The following HECTD2 variants were observed in gnomAD, a reference collection of about 807,000 sequenced individuals.
HECTD2 encodes probable E3 ubiquitin-protein ligase HECTD2.
HECTD2 carries 35 observed loss-of-function variants against 103.2 expected under a neutral mutation model. That is an observed-to-expected ratio of 0.34 (90% CI 0.26 to 0.45). The LOEUF (loss-of-function observed/expected upper bound fraction) is 0.45. Among genes scored for constraint, HECTD2 ranks in the 20% least tolerant of loss-of-function variants. HECTD2 has a pLI of 1.00. For synonymous variants in HECTD2, 281 were observed against 329.9 expected, an observed-to-expected ratio of 0.85 and a Z score of 1.61; for missense variants, 596 against 937.4, an observed-to-expected ratio of 0.64 and a Z score of 4.76.
At chr10:91,496,428 C>A in intron 15 of HECTD2, 56 bp downstream of exon 15, 1 of 1,226,238 alleles carries the variant, frequency 8.2e-7, no homozygotes, top group Non-Finnish European at 1.2e-6. Flanking sequence ...CTTTTTTCTA[C>A]CTGCACAGTC....
chr10:91,425,487 C>T, intron 2 of HECTD2, 77 bp downstream of exon 2: 1 of 1,117,922 alleles, frequency 8.9e-7, no homozygotes, highest in Non-Finnish European at 1.2e-6. Context: ...AATTATTCAG[C>T]ATTGTTCTGA....
chr10:91,418,369 A>G (rs1843216060), intron 1 of HECTD2, among the ~76,000 whole-genome samples: 1 of 152,208 alleles, frequency 6.6e-6, no homozygotes. Flanking sequence ...AAATGAACTG[A>G]AATTTCTGAG....
chr10:91,464,960 T>TTGAA (rs140867330), intron 5 of HECTD2, among the ~76,000 whole-genome samples: 2,191 of 152,344 alleles, frequency 0.014, 47 homozygotes, highest in African/African-American at 0.05. Context: ...TAACTGTATT[T>TTGAA]TGAATGAACA....
chr10:91,459,699 A>G (rs1845261332), intron 2 of HECTD2, among the ~76,000 whole-genome samples: 1 of 152,152 alleles, frequency 6.6e-6, no homozygotes, highest in Non-Finnish European at 1.5e-5. Context: ...ACGTAAGTGC[A>G]TATACAGTCA....
chr10:91,481,189 C>T, intron 7 of HECTD2, 50 bp downstream of exon 7: 2 of 868,670 alleles, frequency 2.3e-6, no homozygotes, highest in Non-Finnish European at 3.6e-6. Context: ...ATCTCAATCC[C>T]TACATGTGTA....
chr10:91,415,867 T>A (rs778477265), intron 1 of HECTD2, among the ~76,000 whole-genome samples: 9 of 152,204 alleles, frequency 5.9e-5, no homozygotes, highest in Non-Finnish European at 1.0e-4. Flanking sequence ...TTAAATTATA[T>A]GTAAAATCAA....
intron 18 of HECTD2, among the ~76,000 whole-genome samples, chr10:91,499,801 A>G (rs558126761): frequency 6.6e-6 from 1 of 152,240 alleles, no homozygotes; most frequent in East Asian, 1.9e-4. Context: ...CATTTGAATT[A>G]TTTTTCATGG....
chr10:91,500,372 C>T, intron 18 of HECTD2, 130 bp from the exon 19 acceptor site: 160 of 296,932 alleles, frequency 5.4e-4, no homozygotes, highest in East Asian at 1.3e-3. Context: ...GTCGATTTTT[C>T]TTCAACAAAA....
At chr10:91,415,230 G>GTGTGTGTGTA (rs1491216064) in intron 1 of HECTD2, among the ~76,000 whole-genome samples, 4 of 150,800 alleles carry the variant, frequency 2.7e-5, no homozygotes, top group African/African-American at 9.8e-5. Flanking sequence ...GTGTGTGTGT[G>GTGTGTGTGTA]TACTTAACAA....
At chr10:91,418,865 G>A (rs1357616491) in intron 1 of HECTD2, among the ~76,000 whole-genome samples, 1 of 152,044 alleles carries the variant, frequency 6.6e-6, no homozygotes, top group Non-Finnish European at 1.5e-5. Context: ...ATAAATATAT[G>A]TTTATTTATC....
intron 1 of HECTD2, among the ~76,000 whole-genome samples, chr10:91,424,418 G>A (rs1843478786): frequency 6.6e-6 from 1 of 151,012 alleles, no homozygotes. Context: ...CTGTGAAAGT[G>A]AAGACGTTAC....
rs1233796191 is a variant in HECTD2, at chr10:91,410,547, A to G, written c.109A>G (p.Ile37Val). Residue 37 changes from isoleucine (I) to valine (V), a missense_variant, in exon 1 of 21, where the codon ATC (isoleucine) becomes GTC (valine). Around this residue, in one of 4 missense-constraint regions of HECTD2, gnomAD observed 220 missense variants for 233.9 expected, o/e 0.94. Transcript: ENST00000298068. ...KESEREKLPPIVSAGAGATAG... is the reference protein window; with the variant it reads ...KESEREKLPPVVSAGAGATAG... ...GTCAGAGCGCGAGAAGCTGCCGCCC[A>G]TCGTATCGGCGGGCGCCGGCGCGAC... 1.4e-6 allele frequency: 2 copies of G among 1,461,476 alleles called. No homozygotes were observed. Among genetic ancestry groups the G allele is most frequent in the Non-Finnish European group, 1.8e-6 (2 of 1,108,096 alleles). The allele number at this position is 1,461,476 out of a possible 1,614,324, so 90.5% of individuals were successfully genotyped here.
chr10:91,485,495 T>A, intron 10 of HECTD2, 192 bp downstream of exon 10: 1 of 459,624 alleles, frequency 2.2e-6, no homozygotes, highest in Non-Finnish European at 3.7e-6. Context: ...TATGTACATG[T>A]TAATTTGGTT....
At chr10:91,468,228 A>C (rs1210385510) in intron 5 of HECTD2, among the ~76,000 whole-genome samples, 2 of 152,144 alleles carry the variant, frequency 1.3e-5, no homozygotes, top group Non-Finnish European at 2.9e-5. Flanking sequence ...GAGGGGCCAG[A>C]GAACAAAGCC....
At chr10:91,501,794 TC>T (rs1244512474) in intron 20 of HECTD2, among the ~76,000 whole-genome samples, 2 of 151,922 alleles carry the variant, frequency 1.3e-5, no homozygotes, top group African/African-American at 2.4e-5. Context: ...TTTTTTAATC[TC>T]ATGCTTTTTG....
chr10:91,475,738 A>T (rs950331367), intron 5 of HECTD2, among the ~76,000 whole-genome samples: 1 of 152,222 alleles, frequency 6.6e-6, no homozygotes, highest in Non-Finnish European at 1.5e-5. Context: ...AACACACTCA[A>T]ATTGGTAAAT....
intron 20 of HECTD2, among the ~76,000 whole-genome samples, chr10:91,506,393 A>G (rs1210152532): frequency 7.2e-5 from 11 of 152,016 alleles, no homozygotes; most frequent in Non-Finnish European, 1.3e-4. Context: ...TAATAAAGAA[A>G]AAAAGAGAGA....
Position 91,487,867 on chromosome 10 carries a change from C to G in HECTD2, c.1191+89C>G, listed in dbSNP as rs1589534762. ...TAATTTAAATGTCTTGTGAATTGTT[C>G]TAGCATAATCAGGAATGTTAAAAGC... On this transcript the variant is annotated intron_variant, in intron 11 of 20. Transcript: ENST00000298068. The surrounding 1 kb of genome is among the most constrained non-coding windows in gnomAD (Gnocchi z 4.1). 3.7e-6 allele frequency: 3 copies of G among 805,866 alleles called. No homozygotes were observed. In the East Asian group the frequency reaches 8.4e-5, roughly 22 times the overall value. 49.9% of individuals were successfully genotyped at this position (805,866 alleles called of 1,614,324 possible).
chr10:91,508,780 A>G (rs1847300403), intron 20 of HECTD2, among the ~76,000 whole-genome samples: 1 of 151,762 alleles, frequency 6.6e-6, no homozygotes, highest in Non-Finnish European at 1.5e-5. Flanking sequence ...CTGGGTATAT[A>G]CCCAAAGGAC....
Sources: gnomAD v4.1 joint callset for allele counts (sites outside exome capture counted in the v4.1 genomes callset) on GRCh38, gnomAD v4.1.1 for gene constraint, gnomAD v4.1.1 regional missense constraint, Gnocchi (gnomAD v3.1) non-coding constraint, MANE v1.5 for transcripts, NCBI Gene and HGNC (gene_info 2026-07-23, HGNC 2026-07-21) for gene names.